ARFRP1: variants seen among roughly 807,000 people sequenced by gnomAD.
ARFRP1 encodes the protein ADP-ribosylation factor-related protein 1.
A neutral mutation model predicts 30.3 loss-of-function variants in ARFRP1; 19 were observed. The ratio of observed to expected loss-of-function variants is 0.63; its 90% CI spans 0.44 to 0.92. The LOEUF (loss-of-function observed/expected upper bound fraction) is 0.92. ARFRP1 is among the 40% of genes least tolerant of loss of function. The pLI is 0.00. For synonymous variants in ARFRP1, 133 were observed against 114.2 expected (o/e 1.16, Z -1.05); for missense variants, 245 against 267.5 (o/e 0.92, Z 0.59).
chr20:63,700,876 G>T, intron 6 of ARFRP1, 174 bp from the exon 7 acceptor site: 3 of 854,218 alleles, frequency 3.5e-6, no homozygotes, highest in Non-Finnish European at 5.3e-6. Flanking sequence ...TGCTCAGCCC[G>T]AGGCTGAACA....
At position 63,700,638 on chromosome 20, in the gene ARFRP1, C is replaced by T. The variant is rs948299995; in HGVS notation, c.482G>A (p.Arg161Gln). Residue 161 changes from arginine (R) to glutamine (Q), a missense_variant, in exon 7 of 8, where the codon CGA becomes CAA. Physicochemically the swap from Arg to Gln is conservative, Grantham distance 43. Transcript: ENST00000622789. ...FSDCTSKIGR[R>Q]DCLTQACSAL... ...CGAGCAGGCCTGGGTCAGGCAATCT[C>T]GCCTGCCGATCTTGCTGGTGCAGTC... The T allele has an allele frequency of 4.3e-6, 7 of 1,610,630 alleles. No homozygotes were observed. The highest frequency in any genetic ancestry group is 3.3e-5 in the Admixed American group (2 of 59,972).
At position 63,706,075 on chromosome 20, in the gene ARFRP1, G is replaced by A. The variant is rs189760210; in HGVS notation, c.264+282C>T. 77 of 407,752 alleles carry A rather than the reference G, an allele frequency of 1.9e-4. 3 individuals are homozygous for A. The highest frequency in any genetic ancestry group is 1.0e-3 in the Admixed American group (29 of 27,936). 25.3% of individuals were successfully genotyped at this position (407,752 alleles called of 1,614,324 possible). A position where few individuals can be genotyped will look rare whatever the true frequency, so the allele number is the denominator to read the frequency against. ...CCCTAATACATGCTCTGATCTGATC[G>A]CCTTGGCATTTAGTGATTCTTTCCC... On this transcript the variant is annotated intron_variant, in intron 4 of 7. Transcript: ENST00000622789.
chr20:63,698,672 C>T lies in ARFRP1; in HGVS notation c.*1771G>A, dbSNP rs2091042753. The T allele has an allele frequency of 2.3e-6, 3 of 1,288,876 alleles. No individual in the cohort carries two copies. The highest frequency in any genetic ancestry group is 3.1e-5 in the East Asian group (1 of 32,160). The allele number at this position is 1,288,876 out of a possible 1,614,324, so 79.8% of individuals were successfully genotyped here. A position where few individuals can be genotyped will look rare whatever the true frequency, so the allele number is the denominator to read the frequency against. ...TTTCTTAAAGCTTATTTTTATAAAG[C>T]TTTTTCATAAAACTGGTTGTAGTTG... is the stretch of plus-strand genomic sequence containing the variant. On this transcript the variant is annotated 3_prime_UTR_variant, in exon 8 of 8. Transcript: ENST00000622789.
chr20:63,706,035 T>C, intron 4 of ARFRP1: 1 of 367,512 alleles, frequency 2.7e-6, no homozygotes, highest in South Asian at 2.2e-5. Flanking sequence ...GATGCCGCAC[T>C]CTGTCAACAG....
At chr20:63,706,917 T>C (rs925574957) in intron 2 of ARFRP1, 82 bp downstream of exon 2, 10 of 1,531,222 alleles carry the variant, frequency 6.5e-6, no homozygotes, top group Middle Eastern at 1.7e-4. Context: ...GTCTGGGTAG[T>C]GAACGTGCAG....
chr20:63,701,116 C>T (rs776935497), intron 6 of ARFRP1: 14 of 412,122 alleles, frequency 3.4e-5, no homozygotes, highest in Middle Eastern at 7.8e-4. Flanking sequence ...CTTCTGCTCA[C>T]AACCACCTGC....
At chr20:63,706,604 G>A (rs780790599) in intron 3 of ARFRP1, 47 bp downstream of exon 3, 41 of 1,545,546 alleles carry the variant, frequency 2.7e-5, no homozygotes, top group Admixed American at 1.0e-4. Flanking sequence ...TGAATATCAC[G>A]GCATCCTCAA....
At chr20:63,706,334 T>A (rs760444676) in intron 4 of ARFRP1, 23 bp downstream of exon 4, 1 of 1,604,660 alleles carries the variant, frequency 6.2e-7, no homozygotes, top group Non-Finnish European at 8.5e-7. Flanking sequence ...GGGGTGGGGG[T>A]GGTCCTGGCC....
At chr20:63,706,805 C>A in intron 2 of ARFRP1, 67 bp from the exon 3 acceptor site, 2 of 1,391,282 alleles carry the variant, frequency 1.4e-6, no homozygotes, top group South Asian at 1.2e-5. Context: ...TATCCTTACT[C>A]AGGTCTGTTC....
chr20:63,700,590 G>A lies in ARFRP1; in HGVS notation c.518+12C>T. 2 of 1,610,480 alleles carry A rather than the reference G, an allele frequency of 1.2e-6. No individual in the cohort carries two copies. Among genetic ancestry groups the A allele is most frequent in the Non-Finnish European group, 1.7e-6 (2 of 1,179,870 alleles). The stretch of plus-strand genomic sequence containing the variant: ...GGTCCCCAAAGCCCCCGCAGGTGCA[G>A]CCCCCACTCACCCTGTGAGGGCCGA... On this transcript the variant is annotated intron_variant, in intron 7 of 7. Transcript: ENST00000622789.
chr20:63,701,150 C>A, intron 6 of ARFRP1: 1 of 454,528 alleles, frequency 2.2e-6, no homozygotes, highest in Admixed American at 2.5e-5. Context: ...AGCAGCCCTC[C>A]CCTCCCCTTT....
chr20:63,706,817 T>C lies in ARFRP1; in HGVS notation c.94-79A>G, dbSNP rs539619321. 9.3e-5 allele frequency: 127 copies of C among 1,362,882 alleles called. No homozygotes were observed. In the East Asian group the frequency reaches 2.7e-3, roughly 29 times the overall value. The allele number at this position is 1,362,882 out of a possible 1,614,324, so 84.4% of individuals were successfully genotyped here. A position where few individuals can be genotyped will look rare whatever the true frequency, so the allele number is the denominator to read the frequency against. The stretch of plus-strand genomic sequence containing the variant: ...AAATATCCTTACTCAGGTCTGTTCT[T>C]TAAAAGACAGAAACAGAAACAGAGC... On this transcript the variant is annotated intron_variant, in intron 2 of 7. Coordinates refer to ENST00000622789, the MANE Select transcript of ARFRP1 (RefSeq NM_001267547.3).
At position 63,699,993 on chromosome 20, in the gene ARFRP1, G is replaced by A. The variant is rs553564675; in HGVS notation, c.*450C>T. On this transcript the variant is annotated 3_prime_UTR_variant, in exon 8 of 8. Coordinates refer to ENST00000622789, the MANE Select transcript of ARFRP1 (RefSeq NM_001267547.3). ...AGCCCCAGACCACTTCCGGGGTCAC[G>A]GGGTCACGGGGTCACAGGGCAGAAG... The A allele has an allele frequency of 8.5e-5, 20 of 235,804 alleles. No homozygotes were observed. Among genetic ancestry groups the A allele is most frequent in the African/African-American group, 3.6e-4 (16 of 44,262 alleles). 14.6% of individuals were successfully genotyped at this position (235,804 alleles called of 1,614,324 possible). A position where few individuals can be genotyped will look rare whatever the true frequency, so the allele number is the denominator to read the frequency against.
chr20:63,702,291 G>C, intron 4 of ARFRP1, 74 bp from the exon 5 acceptor site: 1 of 1,422,118 alleles, frequency 7.0e-7, no homozygotes. Context: ...CCTGTGTCAT[G>C]GCCACAGTGA....
chr20:63,705,567 C>A, intron 4 of ARFRP1: 1 of 484,452 alleles, frequency 2.1e-6, no homozygotes, highest in East Asian at 5.6e-5. Context: ...GAGACTGCCG[C>A]TGTGAGACCC....
chr20:63,701,998 G>GCCCCCCCCCCCCCCCCCC lies in ARFRP1; in HGVS notation c.347-99_347-98insGGGGGGGGGGGGGGGGGG, dbSNP rs59166240. ...GGACACTGTGACAGCCACTCCCTCT[G>GCCCCCCCCCCCCCCCCCC]CCCCCCCCCCCCCCGTCACCCACTA... On this transcript the variant is annotated intron_variant, in intron 5 of 7. Coordinates refer to ENST00000622789, the MANE Select transcript of ARFRP1 (RefSeq NM_001267547.3). 20 of 585,728 alleles carry GCCCCCCCCCCCCCCCCCC rather than the reference G, an allele frequency of 3.4e-5. 2 individuals carry two copies. Among genetic ancestry groups the GCCCCCCCCCCCCCCCCCC allele is most frequent in the African/African-American group, 2.1e-4 (5 of 23,496 alleles). The allele number at this position is 585,728 out of a possible 1,614,324, so 36.3% of individuals were successfully genotyped here.
Position 63,700,394 on chromosome 20 carries a change from C to T in ARFRP1, c.*49G>A. 2 of 1,599,820 alleles carry T rather than the reference C, an allele frequency of 1.3e-6. No homozygotes were observed. The highest frequency in any genetic ancestry group is 4.5e-5 in the East Asian group (2 of 44,814). On this transcript the variant is annotated 3_prime_UTR_variant, in exon 8 of 8. Coordinates refer to ENST00000622789, the MANE Select transcript of ARFRP1 (RefSeq NM_001267547.3). Reference sequence around the variant, plus strand: ...CAGCATGGGAGCCAACAGGAGGCCACTCCTCCAGCACCAGGGGACCAGCCG... The same window carrying T: ...CAGCATGGGAGCCAACAGGAGGCCATTCCTCCAGCACCAGGGGACCAGCCG...
chr20:63,704,715 T>C (rs1009884498), intron 4 of ARFRP1: 1 of 152,270 alleles, frequency 6.6e-6, no homozygotes, highest in Non-Finnish European at 1.5e-5. Context: ...CACATAGGGC[T>C]GCAGCTGTGG....
chr20:63,700,903 A>G, intron 6 of ARFRP1: 1 of 664,466 alleles, frequency 1.5e-6, no homozygotes, highest in East Asian at 2.8e-5. Flanking sequence ...GTAGTGCCTG[A>G]GACAAACTAG....
Sources: allele counts gnomAD v4.1 joint callset, GRCh38; gene constraint gnomAD v4.1.1; transcripts MANE v1.5; gene names NCBI Gene and HGNC (gene_info 2026-07-23, HGNC 2026-07-21).